The following KIF24 variants were observed in gnomAD, a reference collection of about 807,000 sequenced individuals.
KIF24 encodes kinesin family member 24.
A neutral mutation model predicts 118.9 loss-of-function variants in KIF24; 81 were observed. The ratio of observed to expected loss-of-function variants is 0.68; its 90% CI spans 0.57 to 0.82. The LOEUF (loss-of-function observed/expected upper bound fraction) is 0.82. Ranked by LOEUF, KIF24 falls within the 40% of genes least tolerant of loss-of-function variation. The pLI, the probability that KIF24 is intolerant of heterozygous loss-of-function variation, is 0.00. For missense variants in KIF24, 1,560 were observed against 1,661.6 expected (o/e 0.94, Z 1.06); for synonymous variants, 599 against 610.0 (o/e 0.98, Z 0.27).
At position 34,310,758 on chromosome 9, in the gene KIF24, C is replaced by G. The variant is rs1303656133; in HGVS notation, c.589G>C (p.Gly197Arg). The part of the protein sequence containing the change: ...PIIQRISHVS[G>R]YNYGIPHSCI... ...GAATGAGGGATTCCATAGTTATACCCTGAAACATGAGAGATTCTTTGAATA... is the reference window on the plus strand; with the variant it reads ...GAATGAGGGATTCCATAGTTATACCGTGAAACATGAGAGATTCTTTGAATA... The change falls in exon 2 of 13, where the codon GGG becomes CGG. Residue 197 changes from glycine to arginine, a missense_variant. Physicochemically the swap from Gly to Arg is moderately radical, Grantham distance 125. This residue lies in a region of KIF24 where 964 missense variants were observed against 988.0 expected (regional missense o/e 0.98). Transcript: ENST00000402558. 2 of 1,609,766 alleles carry G rather than the reference C, an allele frequency of 1.2e-6. No homozygotes were observed. Among genetic ancestry groups the G allele is most frequent in the Non-Finnish European group, 1.7e-6 (2 of 1,177,648 alleles).
chr9:34,327,188 T>C (rs1235141050), intron 1 of KIF24, among the ~76,000 whole-genome samples: 1 of 152,054 alleles, frequency 6.6e-6, no homozygotes, highest in African/African-American at 2.4e-5. Flanking sequence ...GAAGTAGAAC[T>C]CTATTATTTA....
upstream of KIF24, among the ~76,000 whole-genome samples, chr9:34,330,041 T>G (rs933656279): frequency 3.3e-5 from 5 of 152,242 alleles, no homozygotes; most frequent in Non-Finnish European, 7.3e-5. Context: ...TCGTGGCAGT[T>G]ATAGCAGAAG....
chr9:34,322,100 T>C (rs978470038), intron 1 of KIF24, among the ~76,000 whole-genome samples: 1 of 152,088 alleles, frequency 6.6e-6, no homozygotes, highest in Non-Finnish European at 1.5e-5. Context: ...TTAGGAGCAA[T>C]TAAAAATACC....
Position 34,306,375 on chromosome 9 carries a change from T to A in KIF24, c.690A>T (p.Lys230Asn). Residue 230 changes from lysine to asparagine, a missense_variant, in exon 3 of 13, where the codon AAA (lysine) becomes AAT (asparagine). Physicochemically the swap from Lys to Asn is moderately conservative, Grantham distance 94 (BLOSUM62 0). Coordinates refer to ENST00000402558, the MANE Select transcript of KIF24 (RefSeq NM_194313.4). ...EMEKIRVCVR[K>N]RPLGMREVRR... Reference sequence around the variant, plus strand: ...GTACCTCCCTCATGCCCAGGGGGCGTTTTCGAACACAAACTCTGATTTTCT... The same window carrying A: ...GTACCTCCCTCATGCCCAGGGGGCGATTTCGAACACAAACTCTGATTTTCT... 3.1e-6 allele frequency: 5 copies of A among 1,612,944 alleles called. No individual in the cohort carries two copies. Among genetic ancestry groups the A allele is most frequent in the Non-Finnish European group, 4.2e-6 (5 of 1,179,206 alleles).
chr9:34,269,781 A>C (rs1317085449), intron 7 of KIF24, among the ~76,000 whole-genome samples: 2 of 152,148 alleles, frequency 1.3e-5, no homozygotes, highest in African/African-American at 2.4e-5. Flanking sequence ...ACATTGGCCC[A>C]TCCTCTGGAA....
At chr9:34,268,421 G>C (rs1587921485) in intron 8 of KIF24, among the ~76,000 whole-genome samples, 1 of 151,960 alleles carries the variant, frequency 6.6e-6, no homozygotes, top group South Asian at 2.1e-4. Flanking sequence ...CTCCAAAAGT[G>C]TTGGGATTAC....
chr9:34,324,594 A>G (rs1837619173), intron 1 of KIF24, among the ~76,000 whole-genome samples: 1 of 152,172 alleles, frequency 6.6e-6, no homozygotes, highest in Non-Finnish European at 1.5e-5. Context: ...TCCAGACTGT[A>G]GAGCCAGATC....
intron 1 of KIF24, among the ~76,000 whole-genome samples, chr9:34,316,845 G>A (rs1361506134): frequency 2.0e-5 from 3 of 152,172 alleles, no homozygotes; most frequent in Non-Finnish European, 4.4e-5. Context: ...GCTGAGGCGA[G>A]TGGATCACAA....
chr9:34,271,450 A>G (rs1265314035), intron 7 of KIF24, among the ~76,000 whole-genome samples: 3 of 152,082 alleles, frequency 2.0e-5, no homozygotes, highest in South Asian at 2.1e-4. Context: ...AATGTATCCA[A>G]TTGTCTTATG....
Position 34,290,254 on chromosome 9 carries a change from T to A in KIF24, c.1047A>T (p.Pro349=). 6.2e-7 allele frequency: 1 copy of A among 1,613,996 alleles called. No homozygotes were observed. The highest frequency in any genetic ancestry group is 1.1e-5 in the South Asian group (1 of 91,080). ...DIFRQLEVSQ[P]RKHLFVWISF... is the part of the protein sequence containing the mutation. ...TGATCCACACAAAGAGGTGCTTTCT[T>A]GGCTGGGACACTTCTAGTTGCCTGA... The change falls in exon 5 of 13, where the codon CCA becomes CCT. Residue 349 remains proline, a synonymous_variant. Transcript: ENST00000402558.
chr9:34,308,409 G>C (rs1414710541), intron 2 of KIF24, among the ~76,000 whole-genome samples: 2 of 151,674 alleles, frequency 1.3e-5, no homozygotes, highest in African/African-American at 4.8e-5. Flanking sequence ...TCAGCCTCTA[G>C]AATAGCTGGG....
At chr9:34,270,515 CAA>C (rs1157919379) in intron 7 of KIF24, among the ~76,000 whole-genome samples, 9 of 56,026 alleles carry the variant, frequency 1.6e-4, no homozygotes, top group Admixed American at 4.0e-4. Flanking sequence ...GACTCCGTCT[CAA>C]AAAAAAAAAA....
Position 34,318,980 on chromosome 9 carries a change from G to C in KIF24, c.-25-7609C>G. ...GCTGCCCAAGGTCACCAAGGACATGGAGTGCATGGATGGCGCCCTGCTTGT... is the reference window on the plus strand; with the variant it reads ...GCTGCCCAAGGTCACCAAGGACATGCAGTGCATGGATGGCGCCCTGCTTGT... On this transcript the variant is annotated intron_variant, in intron 1 of 12. Transcript: ENST00000402558. The surrounding 1 kb of genome is among the most constrained non-coding windows in gnomAD (Gnocchi z 4.9). The C allele has an allele frequency of 1.5e-6, 2 of 1,299,828 alleles. No homozygotes were observed. The highest frequency in any genetic ancestry group is 2.2e-6 in the Non-Finnish European group (2 of 898,886). The allele number at this position is 1,299,828 out of a possible 1,614,324, so 80.5% of individuals were successfully genotyped here. A position where few individuals can be genotyped will look rare whatever the true frequency, so the allele number is the denominator to read the frequency against.
chr9:34,312,393 A>G (rs529331211), intron 1 of KIF24, among the ~76,000 whole-genome samples: 2 of 152,378 alleles, frequency 1.3e-5, no homozygotes, highest in Admixed American at 1.3e-4. Flanking sequence ...TGAGCTCTCT[A>G]TATCACTGTT....
At chr9:34,319,067 C>T (rs1005692950) in intron 1 of KIF24, 31 of 1,303,916 alleles carry the variant, frequency 2.4e-5, no homozygotes, top group Middle Eastern at 3.7e-4. Context: ...GGTGGAAAAC[C>T]GTGGCTTCAT....
chr9:34,272,059 G>T, intron 6 of KIF24, 129 bp from the exon 7 acceptor site: 1 of 698,480 alleles, frequency 1.4e-6, no homozygotes, highest in Non-Finnish European at 2.2e-6. Context: ...TTTCTGTCCA[G>T]GTGGAAAACT....
At chr9:34,295,809 A>T (rs1346522311) in intron 4 of KIF24, among the ~76,000 whole-genome samples, 10 of 152,056 alleles carry the variant, frequency 6.6e-5, no homozygotes, top group African/African-American at 2.4e-4. Flanking sequence ...AAGTGCTTGG[A>T]TTACAGGTGC....
At chr9:34,330,541 T>G (rs1837882391), upstream of KIF24, among the ~76,000 whole-genome samples, 1 of 152,284 alleles carries the variant, frequency 6.6e-6, no homozygotes, top group Non-Finnish European at 1.5e-5. Flanking sequence ...CAGACATCTC[T>G]GAGCTATAGT....
chr9:34,265,911 G>C (rs145252682), intron 8 of KIF24, among the ~76,000 whole-genome samples: 12 of 151,574 alleles, frequency 7.9e-5, no homozygotes, highest in African/African-American at 2.9e-4. Context: ...TTTATTTTTT[G>C]AGACAGGGTC....
Sources: gnomAD v4.1 joint callset for allele counts (sites outside exome capture counted in the v4.1 genomes callset) on GRCh38, gnomAD v4.1.1 for gene constraint, gnomAD v4.1.1 regional missense constraint, Gnocchi (gnomAD v3.1) non-coding constraint, MANE v1.5 for transcripts, NCBI Gene and HGNC (gene_info 2026-07-23, HGNC 2026-07-21) for gene names.